NXF2: variants seen among roughly 807,000 people sequenced by gnomAD.
NXF2 encodes nuclear RNA export factor 2.
chrX:102,281,036 T>TCG (rs1933905063), intron 2 of NXF2, among the ~76,000 whole-genome samples: 1 of 4,728 alleles, frequency 2.1e-4, no homozygotes, highest in Non-Finnish European at 4.3e-4. Flanking sequence ...GCTCAAGGTC[T>TCG]CGTAAGTCAG....
chrX:102,281,655 A>T (rs781982420), intron 2 of NXF2, among the ~76,000 whole-genome samples: 130 of 105,372 alleles, frequency 1.2e-3, no homozygotes, highest in African/African-American at 4.4e-3. Context: ...CAAGGTGTGC[A>T]GCCTGGGGTT....
chrX:102,281,502 G>A (rs1933912096), intron 2 of NXF2, among the ~76,000 whole-genome samples: 2 of 114,517 alleles, frequency 1.7e-5, no homozygotes, highest in Non-Finnish European at 3.7e-5. Flanking sequence ...TAGTAGCTAG[G>A]TCCTGGAACA....
intron 2 of NXF2, among the ~76,000 whole-genome samples, chrX:102,282,245 G>C (rs1396255082): frequency 6.6e-5 from 7 of 106,328 alleles, no homozygotes; most frequent in African/African-American, 2.0e-4. Flanking sequence ...TTCCCCTCTG[G>C]CTAGGGCTGC....
intron 2 of NXF2, among the ~76,000 whole-genome samples, chrX:102,298,766 C>G (rs1934009001): frequency 8.7e-6 from 1 of 114,746 alleles, no homozygotes; most frequent in East Asian, 2.7e-4. Context: ...ATTTAATTCT[C>G]ACGCCAAATT....
At chrX:102,251,937 A>G (rs1933824166) in intron 2 of NXF2, among the ~76,000 whole-genome samples, 1 of 113,898 alleles carries the variant, frequency 8.8e-6, no homozygotes, top group African/African-American at 3.2e-5. Context: ...CCTAGTTAGA[A>G]AGCTTTTCCC....
chrX:102,294,188 T>TAA (rs34383532), intron 2 of NXF2, among the ~76,000 whole-genome samples: 2 of 102,796 alleles, frequency 1.9e-5, no homozygotes, highest in Non-Finnish European at 3.9e-5. Flanking sequence ...CTTAAAGGAT[T>TAA]AAAAAAAAAA....
chrX:102,294,229 G>A (rs1933990097), intron 2 of NXF2, among the ~76,000 whole-genome samples: 1 of 106,012 alleles, frequency 9.4e-6, no homozygotes. Context: ...GATACACTAT[G>A]GACCTTGGGC....
Position 102,248,529 on chromosome X carries a change from A to T in NXF2, c.-83A>T, listed in dbSNP as rs1178620670. 3.4e-5 allele frequency: 3 copies of T among 88,321 alleles called. No individual in the cohort carries two copies. The highest frequency in any genetic ancestry group is 6.5e-5 in the Non-Finnish European group (3 of 46,130). The allele number at this position is 88,321 out of a possible 1,213,427, so 7.3% of individuals were successfully genotyped here. ...TCCTCAATCTTTATTGGTCTTCCAC[A>T]GCCCTGACACTTTTGGAGATACCAG... is the stretch of plus-strand genomic sequence containing the variant. On this transcript the variant is annotated 5_prime_UTR_variant, in exon 2 of 23. Transcript: ENST00000625106.
chrX:102,254,434 C>A (rs1283568631), intron 2 of NXF2, among the ~76,000 whole-genome samples: 2 of 88,251 alleles, frequency 2.3e-5, no homozygotes, highest in Non-Finnish European at 4.3e-5. Context: ...AAATCTATTT[C>A]TTTAGGTACC....
At chrX:102,298,683 G>A (rs781937399) in intron 2 of NXF2, among the ~76,000 whole-genome samples, 5 of 113,152 alleles carry the variant, frequency 4.4e-5, no homozygotes, top group East Asian at 2.8e-4. Context: ...GAGGAGGAGC[G>A]TTTGGCACTC....
At chrX:102,289,681 C>G (rs1425531185) in intron 2 of NXF2, among the ~76,000 whole-genome samples, 1 of 89,436 alleles carries the variant, frequency 1.1e-5, no homozygotes, top group East Asian at 3.1e-4. Flanking sequence ...AATAGGGAAT[C>G]CTTTCCCCAT....
chrX:102,251,127 A>G (rs1933816302), intron 2 of NXF2, among the ~76,000 whole-genome samples: 1 of 6,544 alleles, frequency 1.5e-4, no homozygotes. Context: ...AAGACTTTTT[A>G]TTTTTTATTT....
intron 2 of NXF2, among the ~76,000 whole-genome samples, chrX:102,282,354 C>T (rs1556384106): frequency 8.7e-6 from 1 of 114,950 alleles, no homozygotes; most frequent in African/African-American, 3.2e-5. Flanking sequence ...TTCACAAATG[C>T]TGTGGTCTCC....
At chrX:102,281,691 C>T (rs1289367987) in intron 2 of NXF2, among the ~76,000 whole-genome samples, 2 of 104,558 alleles carry the variant, frequency 1.9e-5, no homozygotes, top group Admixed American at 1.0e-4. Context: ...CCAGCACTCC[C>T]TTGGCTGCCC....
chrX:102,298,729 T>C (rs1336798118), intron 2 of NXF2, among the ~76,000 whole-genome samples: 1 of 114,656 alleles, frequency 8.7e-6, no homozygotes, highest in Admixed American at 9.1e-5. Flanking sequence ...TTAGCCCTTA[T>C]TCTATGCAGA....
chrX:102,254,402 T>C (rs2147804209), intron 2 of NXF2, among the ~76,000 whole-genome samples: 1 of 88,309 alleles, frequency 1.1e-5, no homozygotes, highest in Non-Finnish European at 2.2e-5. Flanking sequence ...ACTACCATTT[T>C]ATTTACTAAA....
intron 2 of NXF2, 89 bp downstream of exon 2, chrX:102,248,647 T>C (rs1161973006): frequency 2.4e-5 from 2 of 82,708 alleles, no homozygotes; most frequent in Admixed American, 3.2e-4. Flanking sequence ...AGCACACCTG[T>C]TTTATTCTCC....
At chrX:102,251,376 A>C (rs1602437559) in intron 2 of NXF2, among the ~76,000 whole-genome samples, 1 of 46,780 alleles carries the variant, frequency 2.1e-5, no homozygotes, top group Non-Finnish European at 3.7e-5. Flanking sequence ...ATGTACCTTC[A>C]AGGTATATTC....
chrX:102,298,542 T>C (rs1476745344), intron 2 of NXF2, among the ~76,000 whole-genome samples: 127 of 72,737 alleles, frequency 1.7e-3, no homozygotes, highest in Middle Eastern at 8.7e-3. Context: ...TGCCTAACAG[T>C]CATTGTTTTT....
Sources: gnomAD v4.1 joint callset for allele counts (sites outside exome capture counted in the v4.1 genomes callset) on GRCh38, gnomAD v4.1.1 for gene constraint, MANE v1.5 for transcripts, NCBI Gene and HGNC (gene_info 2026-07-23, HGNC 2026-07-21) for gene names.